The following GMPPA variants were observed in gnomAD, a reference collection of about 807,000 sequenced individuals.
GMPPA encodes GDP-mannose pyrophosphorylase A.
A neutral mutation model predicts 58.6 loss-of-function variants in GMPPA; 46 were observed. The observed-to-expected ratio is 0.78, with a 90% CI of 0.62 to 1.00. GMPPA has a LOEUF of 1.00. Among genes scored for constraint, GMPPA ranks in the 50% least tolerant of loss-of-function variants. The pLI is 0.00. For missense variants in GMPPA, 468 were observed against 556.4 expected (o/e 0.84, Z 1.60); for synonymous variants, 211 against 214.9 (o/e 0.98, Z 0.16).
chr2:219,501,782 C>A, intron 4 of GMPPA, 69 bp from the exon 5 acceptor site: 1 of 1,421,612 alleles, frequency 7.0e-7, no homozygotes, highest in South Asian at 1.2e-5. Flanking sequence ...CGGTGGCGGT[C>A]AGGTGCCCTG....
At chr2:219,499,762 T>G (rs1395653517) in intron 1 of GMPPA, 194 bp from the exon 2 acceptor site, 1 of 620,772 alleles carries the variant, frequency 1.6e-6, no homozygotes, top group African/African-American at 1.8e-5. Flanking sequence ...GGGGTTTGGT[T>G]GGGGTGTGAG....
rs747082001 is a variant in GMPPA at position 219,506,039 on chromosome 2, G to A, written c.960G>A (p.Arg320=). 1 of 1,595,106 alleles carries A rather than the reference G, an allele frequency of 6.3e-7. No homozygotes were observed. The highest frequency in any genetic ancestry group is 1.1e-5 in the South Asian group (1 of 89,180). The change falls in exon 11 of 13, where the codon CGG becomes CGA. Residue 320 remains arginine, a synonymous_variant. Transcript: ENST00000313597. ...GVTVGEGVRL[R]ESIVLHGATL... ...CCGTGGGTGAGGGTGTGCGGCTCCG[G>A]GAGAGCATCGTCCTCCATGGAGCCA... is the stretch of plus-strand genomic sequence containing the variant.
chr2:219,506,038 G>T lies in GMPPA; in HGVS notation c.959G>T (p.Arg320Leu). The T allele has an allele frequency of 6.3e-7, 1 of 1,594,874 alleles. No individual in the cohort carries two copies. Among genetic ancestry groups the T allele is most frequent in the East Asian group, 2.3e-5 (1 of 44,090 alleles). The change falls in exon 11 of 13, where the codon CGG becomes CTG. Residue 320 changes from arginine (R) to leucine (L), a missense_variant. Physicochemically the swap from Arg to Leu is moderately radical, Grantham distance 102. Transcript: ENST00000313597. The part of the protein sequence containing the change: ...GVTVGEGVRL[R>L]ESIVLHGATL... ...ACCGTGGGTGAGGGTGTGCGGCTCC[G>T]GGAGAGCATCGTCCTCCATGGAGCC... is the stretch of plus-strand genomic sequence containing the variant.
At chr2:219,505,129 T>C in intron 7 of GMPPA, 99 bp from the exon 8 acceptor site, 1 of 1,315,986 alleles carries the variant, frequency 7.6e-7, no homozygotes, top group Non-Finnish European at 1.1e-6. Flanking sequence ...CTTAGAGAGG[T>C]GGTGGGAATC....
chr2:219,501,490 G>A lies in GMPPA; in HGVS notation c.153G>A (p.Gln51=). 1 of 1,602,024 alleles carries A rather than the reference G, an allele frequency of 6.2e-7. No homozygotes were observed. The change falls in exon 4 of 13, where the codon CAG becomes CAA. Residue 51 remains glutamine, a synonymous_variant. Transcript: ENST00000313597. ...IEACAQVPGM[Q]EILLIGFYQP... is the part of the protein sequence containing the mutation. ...CTTGTCCTCAGGTCCCTGGAATGCA[G>A]GAGATTCTGCTCATTGGCTTCTACC...
In GMPPA at chr2:219,502,459, G is replaced by A; in HGVS notation, c.489+18G>A. ...CACACGAGGTGAGAGCAGAGTGGGG[G>A]CTGGGTGGGTGCCTACTCTGTGTCA... On this transcript the variant is annotated intron_variant, in intron 6 of 12. Transcript: ENST00000313597. The surrounding 1 kb of genome is among the most constrained non-coding windows in gnomAD (Gnocchi z 4.0). 1 of 1,606,158 alleles carries A rather than the reference G, an allele frequency of 6.2e-7. No individual in the cohort carries two copies. The highest frequency in any genetic ancestry group is 8.5e-7 in the Non-Finnish European group (1 of 1,172,944).
At chr2:219,505,069 T>A in intron 7 of GMPPA, 159 bp from the exon 8 acceptor site, 1 of 900,892 alleles carries the variant, frequency 1.1e-6, no homozygotes, top group South Asian at 1.8e-5. Context: ...GTTCCTGGGA[T>A]GTGAGCAGCC....
intron 7 of GMPPA, 70 bp downstream of exon 7, chr2:219,504,283 T>C (rs1694499420): frequency 5.5e-6 from 8 of 1,460,370 alleles, no homozygotes; most frequent in Admixed American, 3.8e-5. Flanking sequence ...TACCAGTCTC[T>C]GCAGGCTCCA....
chr2:219,502,232 G>A lies in GMPPA; in HGVS notation c.430-150G>A, dbSNP rs1428537427. The A allele has an allele frequency of 3.6e-6, 3 of 832,776 alleles. No individual in the cohort carries two copies. Among genetic ancestry groups the A allele is most frequent in the East Asian group, 2.6e-5 (1 of 38,266 alleles). The allele number at this position is 832,776 out of a possible 1,614,324, so 51.6% of individuals were successfully genotyped here. On this transcript the variant is annotated intron_variant, in intron 5 of 12. Coordinates refer to ENST00000313597, the MANE Select transcript of GMPPA (RefSeq NM_013335.4). This position sits in a 1 kb window ranked among gnomAD's most constrained non-coding sequence, Gnocchi z 4.0. ...CTCTGGCTGTTCAGAAGTAGGGAGG[G>A]GGAGGGCAGCTGTCAGTTTCCACCC... is the stretch of plus-strand genomic sequence containing the variant.
rs745575277 is a variant in GMPPA, at chr2:219,502,339, C to T, written c.430-43C>T. 3 of 1,574,944 alleles carry T rather than the reference C, an allele frequency of 1.9e-6. No homozygotes were observed. Among genetic ancestry groups the T allele is most frequent in the African/African-American group, 1.3e-5 (1 of 74,110 alleles). ...GAAAGAAAAAACAGACGTGGCTGCC[C>T]TGGAGCAGGCGGGTCACTGTCTCGG... On this transcript the variant is annotated intron_variant, in intron 5 of 12. Coordinates refer to ENST00000313597, the MANE Select transcript of GMPPA (RefSeq NM_013335.4). The surrounding 1 kb of genome is among the most constrained non-coding windows in gnomAD (Gnocchi z 4.0).
chr2:219,502,582 A>T lies in GMPPA; in HGVS notation c.489+141A>T. 1 of 594,434 alleles carries T rather than the reference A, an allele frequency of 1.7e-6. No individual in the cohort carries two copies. Among genetic ancestry groups the T allele is most frequent in the Non-Finnish European group, 3.1e-6 (1 of 326,070 alleles). 36.8% of individuals were successfully genotyped at this position (594,434 alleles called of 1,614,324 possible). A position where few individuals can be genotyped will look rare whatever the true frequency, so the allele number is the denominator to read the frequency against. On this transcript the variant is annotated intron_variant, in intron 6 of 12. Transcript: ENST00000313597. This position sits in a 1 kb window ranked among gnomAD's most constrained non-coding sequence, Gnocchi z 4.0. ...TGAGACACTCCCGATTAATCATCTT[A>T]TATCCCTTTAAGAGAGATTGACCAG...
chr2:219,506,208 C>G (rs765253658), intron 11 of GMPPA, 46 bp from the exon 12 acceptor site: 1 of 1,562,962 alleles, frequency 6.4e-7, no homozygotes, highest in South Asian at 1.2e-5. Context: ...CCGGTTCCTG[C>G]TGCCTCCTGC....
Position 219,506,837 on chromosome 2 carries a change from C to G in GMPPA, c.*39C>G, listed in dbSNP as rs1559449771. On this transcript the variant is annotated 3_prime_UTR_variant, in exon 13 of 13. Coordinates refer to ENST00000313597, the MANE Select transcript of GMPPA (RefSeq NM_013335.4). ...AAGGCCCCCAGCTCCTACCCACTCC[C>G]CTTGAGGCTGCTGCCTGCTTGGCCA... is the stretch of plus-strand genomic sequence containing the variant. 2 of 955,632 alleles carry G rather than the reference C, an allele frequency of 2.1e-6. No homozygotes were observed. Among genetic ancestry groups the G allele is most frequent in the Non-Finnish European group, 3.4e-6 (2 of 583,276 alleles). 59.2% of individuals were successfully genotyped at this position (955,632 alleles called of 1,614,324 possible). A position where few individuals can be genotyped will look rare whatever the true frequency, so the allele number is the denominator to read the frequency against.
At chr2:219,504,624 C>T (rs779536636) in intron 7 of GMPPA, 26 of 220,176 alleles carry the variant, frequency 1.2e-4, no homozygotes, top group Admixed American at 2.7e-4. Context: ...GCTCACCAGT[C>T]CCAGGGTCTT....
At chr2:219,501,428 C>T (rs746374314) in intron 3 of GMPPA, 48 bp from the exon 4 acceptor site, 1 of 1,119,988 alleles carries the variant, frequency 8.9e-7, no homozygotes, top group South Asian at 1.2e-5. Context: ...TCCCCAACAT[C>T]CCCTCCTATT....
At position 219,506,721 on chromosome 2, in the gene GMPPA, G is replaced by T. The variant is rs773192533; in HGVS notation, c.1186G>T (p.Glu396Ter). ...AGGCTGCCGAGTCCGGATCCCTGCC[G>T]AGGTGCTCATCCTGAACTCGATTGT... is the stretch of plus-strand genomic sequence containing the variant. ...ILGCRVRIPA[E>*]VLILNSIVLP... The change falls in exon 13 of 13, where the codon GAG becomes TAG. Residue 396 changes from glutamate (E) to a stop codon, truncating the protein, a stop_gained. Coordinates refer to ENST00000313597, the MANE Select transcript of GMPPA (RefSeq NM_013335.4). LOFTEE classifies it high-confidence loss of function. 1.2e-6 allele frequency: 2 copies of T among 1,604,114 alleles called. No individual in the cohort carries two copies. The highest frequency in any genetic ancestry group is 2.2e-5 in the East Asian group (1 of 44,816).
At chr2:219,504,538 G>A (rs1255034593) in intron 7 of GMPPA, 4 of 389,486 alleles carry the variant, frequency 1.0e-5, no homozygotes, top group South Asian at 6.2e-5. Context: ...GGGTGCAGAC[G>A]TGTGCACGTG....
Position 219,502,441 on chromosome 2 carries a change from G to A in GMPPA, c.489G>A (p.Glu163=). Reference sequence around the variant, plus strand: ...TCGTTGAGAATCCACAGACACACGAGGTGAGAGCAGAGTGGGGGCTGGGTG... The same window carrying A: ...TCGTTGAGAATCCACAGACACACGAAGTGAGAGCAGAGTGGGGGCTGGGTG... ...GCIVENPQTH[E]VLHYVEKPST... The change falls in exon 6 of 13, where the codon GAG becomes GAA. Residue 163 remains glutamate, a splice_region_variant and synonymous_variant. Transcript: ENST00000313597. The surrounding 1 kb of genome is among the most constrained non-coding windows in gnomAD (Gnocchi z 4.0). The A allele has an allele frequency of 3.1e-6, 5 of 1,613,256 alleles. No homozygotes were observed. Among genetic ancestry groups the A allele is most frequent in the East Asian group, 2.2e-5 (1 of 44,872 alleles).
At position 219,502,521 on chromosome 2, in the gene GMPPA, C is replaced by A; in HGVS notation, c.489+80C>A. ...ACCTCAGGCCTCTAGAGAATGCTGG[C>A]ACAGTATGGGGTGGGCTCTAGTCTT... On this transcript the variant is annotated intron_variant, in intron 6 of 12. Transcript: ENST00000313597. This position sits in a 1 kb window ranked among gnomAD's most constrained non-coding sequence, Gnocchi z 4.0. 9.1e-7 allele frequency: 1 copy of A among 1,095,092 alleles called. No individual in the cohort carries two copies. Among genetic ancestry groups the A allele is most frequent in the Non-Finnish European group, 1.4e-6 (1 of 718,444 alleles). 67.8% of individuals were successfully genotyped at this position (1,095,092 alleles called of 1,614,324 possible).
Sources: gnomAD v4.1 joint callset for allele counts on GRCh38, gnomAD v4.1.1 for gene constraint, Gnocchi (gnomAD v3.1) non-coding constraint, MANE v1.5 for transcripts, NCBI Gene and HGNC (gene_info 2026-07-23, HGNC 2026-07-21) for gene names.